CDK5RAP2: variants seen among roughly 807,000 people sequenced by gnomAD.
CDK5RAP2 encodes CDK5 regulatory subunit associated protein 2.
CDK5RAP2 carries 147 observed loss-of-function variants against 232.9 expected under a neutral mutation model. That is an observed-to-expected ratio of 0.63 (90% CI 0.55 to 0.72). The LOEUF (loss-of-function observed/expected upper bound fraction) is 0.72. CDK5RAP2 is among the 30% of genes least tolerant of loss of function. CDK5RAP2 has a pLI of 0.00. For missense variants in CDK5RAP2, 2,195 were observed against 2,231.5 expected (o/e 0.98, Z 0.33); for synonymous variants, 833 against 833.7 (o/e 1.00, Z 0.01).
chr9:120,539,703 A>C (rs2041545905), intron 5 of CDK5RAP2, among the ~76,000 whole-genome samples: 2 of 152,230 alleles, frequency 1.3e-5, no homozygotes, highest in African/African-American at 4.8e-5. Flanking sequence ...GTAATAAGTA[A>C]TGTTACGATA....
intron 14 of CDK5RAP2, among the ~76,000 whole-genome samples, chr9:120,485,485 G>T (rs1298233974): frequency 6.6e-6 from 1 of 151,986 alleles, no homozygotes; most frequent in Non-Finnish European, 1.5e-5. Context: ...AGTAGAGACG[G>T]GGTTTCACCA....
At chr9:120,404,529 C>A (rs962233178) in intron 32 of CDK5RAP2, among the ~76,000 whole-genome samples, 2 of 152,108 alleles carry the variant, frequency 1.3e-5, no homozygotes, top group Non-Finnish European at 2.9e-5. Context: ...CCAGGCAGCA[C>A]AATGGGCAGG....
intron 1 of CDK5RAP2, among the ~76,000 whole-genome samples, chr9:120,579,246 G>C (rs1253994893): frequency 6.6e-6 from 1 of 152,208 alleles, no homozygotes; most frequent in Non-Finnish European, 1.5e-5. Context: ...CATTTTTTAA[G>C]CACTGATTAT....
At chr9:120,510,459 G>T (rs1373300818) in intron 12 of CDK5RAP2, among the ~76,000 whole-genome samples, 1 of 152,132 alleles carries the variant, frequency 6.6e-6, no homozygotes, top group Admixed American at 6.5e-5. Flanking sequence ...ACCTTAGCTT[G>T]CTTCTCTCCC....
At chr9:120,553,315 T>C (rs945733093) in intron 3 of CDK5RAP2, among the ~76,000 whole-genome samples, 6 of 152,214 alleles carry the variant, frequency 3.9e-5, no homozygotes, top group Non-Finnish European at 5.9e-5. Flanking sequence ...AACTTTTCTG[T>C]GCAGTCTAAC....
intron 10 of CDK5RAP2, 24 bp downstream of exon 10, chr9:120,527,782 T>C: frequency 6.2e-7 from 1 of 1,611,958 alleles, no homozygotes; most frequent in South Asian, 1.1e-5. Context: ...AAGAAAAATC[T>C]TACTTCAAGT....
At chr9:120,540,111 A>C (rs2041565086) in intron 5 of CDK5RAP2, among the ~76,000 whole-genome samples, 1 of 152,198 alleles carries the variant, frequency 6.6e-6, no homozygotes, top group African/African-American at 2.4e-5. Flanking sequence ...GCACCATGGA[A>C]TATTCTCTCC....
chr9:120,400,692 A>G, intron 35 of CDK5RAP2, 50 bp downstream of exon 35: 1 of 1,609,624 alleles, frequency 6.2e-7, no homozygotes, highest in African/African-American at 1.3e-5. Flanking sequence ...AAACTGAGAC[A>G]CAGGCCCCAG....
At chr9:120,400,697 C>A (rs1371094341) in intron 35 of CDK5RAP2, 45 bp downstream of exon 35, 10 of 1,609,686 alleles carry the variant, frequency 6.2e-6, no homozygotes, top group Non-Finnish European at 7.6e-6. Flanking sequence ...GAGACACAGG[C>A]CCCAGTGGCA....
chr9:120,427,354 GC>G (rs1472760566), intron 25 of CDK5RAP2, among the ~76,000 whole-genome samples: 1 of 152,206 alleles, frequency 6.6e-6, no homozygotes, highest in Non-Finnish European at 1.5e-5. Flanking sequence ...CAGCCCATGG[GC>G]CACGGATTGG....
intron 17 of CDK5RAP2, 100 bp from the exon 18 acceptor site, chr9:120,468,097 C>A (rs2037487213): frequency 1.7e-6 from 2 of 1,181,288 alleles, no homozygotes; most frequent in Non-Finnish European, 2.5e-6. Context: ...CTCTTTGGCA[C>A]CACAGTTACG....
intron 7 of CDK5RAP2, among the ~76,000 whole-genome samples, chr9:120,535,759 A>G (rs1486779880): frequency 6.6e-6 from 1 of 152,246 alleles, no homozygotes; most frequent in Non-Finnish European, 1.5e-5. Flanking sequence ...TCAACTACCC[A>G]ATAAACTAGA....
intron 12 of CDK5RAP2, among the ~76,000 whole-genome samples, chr9:120,497,421 T>TAAAAAAA (rs71385064): frequency 7.3e-4 from 17 of 23,292 alleles, no homozygotes; most frequent in Admixed American, 8.7e-4. Context: ...AAAATAAATT[T>TAAAAAAA]AAAAAAAAAA....
chr9:120,484,166 T>C (rs747565699), intron 14 of CDK5RAP2, among the ~76,000 whole-genome samples: 4 of 152,204 alleles, frequency 2.6e-5, no homozygotes, highest in African/African-American at 4.8e-5. Context: ...GACATGATCA[T>C]AGCCTCAAGT....
intron 36 of CDK5RAP2, chr9:120,390,266 T>A (rs1316180412): frequency 6.3e-6 from 1 of 158,148 alleles, no homozygotes; most frequent in Non-Finnish European, 1.4e-5. Context: ...GGGTCCAAGT[T>A]CTACGAAGCC....
At chr9:120,484,598 C>G (rs887747583) in intron 14 of CDK5RAP2, among the ~76,000 whole-genome samples, 1 of 152,028 alleles carries the variant, frequency 6.6e-6, no homozygotes, top group African/African-American at 2.4e-5. Context: ...GTGGCACATG[C>G]GTAGAATCCT....
chr9:120,398,024 C>A (rs1364011492), intron 35 of CDK5RAP2, among the ~76,000 whole-genome samples: 2 of 152,194 alleles, frequency 1.3e-5, no homozygotes, highest in African/African-American at 2.4e-5. Context: ...TCATACTGTA[C>A]ATCTCCTGCC....
rs1027056769 is a variant in CDK5RAP2, at chr9:120,477,639, C to G, written c.1627-189G>C. 2.6e-5 allele frequency among the ~76,000 whole-genome samples: 4 copies of G among 152,156 alleles called. 1 individual carries two copies. Among genetic ancestry groups the G allele is most frequent in the Non-Finnish European group, 5.9e-5 (4 of 68,028 alleles). On this transcript the variant is annotated intron_variant, in intron 14 of 37. Coordinates refer to ENST00000349780, the MANE Select transcript of CDK5RAP2 (RefSeq NM_018249.6). Reference sequence around the variant, plus strand: ...TTCAGGAGGAGTGGGGAATGACTGCCCATCACTCATCCCAGAACAAAGCAG... The same window carrying G: ...TTCAGGAGGAGTGGGGAATGACTGCGCATCACTCATCCCAGAACAAAGCAG...
At chr9:120,578,015 ATC>A (rs535727991) in intron 1 of CDK5RAP2, among the ~76,000 whole-genome samples, 2 of 152,352 alleles carry the variant, frequency 1.3e-5, no homozygotes, top group East Asian at 3.9e-4. Flanking sequence ...CACGCCTGTA[ATC>A]CCAGAACTTT....
Sources: gnomAD v4.1 joint callset for allele counts (sites outside exome capture counted in the v4.1 genomes callset) on GRCh38, gnomAD v4.1.1 for gene constraint, MANE v1.5 for transcripts, NCBI Gene and HGNC (gene_info 2026-07-23, HGNC 2026-07-21) for gene names.